The following BMAL1 variants were observed in gnomAD, a reference collection of about 807,000 sequenced individuals.
BMAL1 encodes basic helix-loop-helix ARNT-like protein 1.
At chr11:13,378,096 G>T in the BMAL1 span, among the ~76,000 whole-genome samples, 7 of 152,078 alleles carry the variant, frequency 4.6e-5, no homozygotes, top group African/African-American at 1.7e-4. Context: ...TTCAGTGCAT[G>T]AAGGGAAAGA....
chr11:13,284,264 A>ATTT, the BMAL1 span, among the ~76,000 whole-genome samples: 1 of 34,828 alleles, frequency 2.9e-5, no homozygotes, highest in Admixed American at 2.2e-4. Flanking sequence ...ATATATATAT[A>ATTT]TATTTTTTTT....
the BMAL1 span, among the ~76,000 whole-genome samples, chr11:13,362,593 C>G: frequency 1.2e-4 from 19 of 152,050 alleles, no homozygotes; most frequent in Admixed American, 6.5e-4. Flanking sequence ...AGGGTGGGAC[C>G]AGGCTCCCGA....
the BMAL1 span, among the ~76,000 whole-genome samples, chr11:13,340,314 C>A: frequency 1.3e-5 from 2 of 152,156 alleles, no homozygotes; most frequent in Admixed American, 6.5e-5. Context: ...CAGCTGTCAC[C>A]CTGCTGGGTT....
chr11:13,352,396 C>G, the BMAL1 span, among the ~76,000 whole-genome samples: 1 of 152,146 alleles, frequency 6.6e-6, no homozygotes, highest in African/African-American at 2.4e-5. Context: ...GGTAGAAAAA[C>G]AGGACATGAG....
chr11:13,285,018 C>A, the BMAL1 span, among the ~76,000 whole-genome samples: 1 of 152,150 alleles, frequency 6.6e-6, no homozygotes, highest in African/African-American at 2.4e-5. Context: ...CTAGCGGGGT[C>A]TTTGCTTAAA....
At chr11:13,355,122 G>A in the BMAL1 span, 109 of 1,014,644 alleles carry the variant, frequency 1.1e-4, no homozygotes, top group Non-Finnish European at 1.4e-4. Context: ...AAGCACCTGC[G>A]TGGAATCTTA....
the BMAL1 span, among the ~76,000 whole-genome samples, chr11:13,328,174 C>CT: frequency 3.2e-3 from 483 of 151,802 alleles, 3 homozygotes; most frequent in Non-Finnish European, 4.9e-3. Context: ...ACTGGAGAGG[C>CT]TTTTTTTTGG....
chr11:13,279,681 T>C, the BMAL1 span, among the ~76,000 whole-genome samples: 6 of 152,364 alleles, frequency 3.9e-5, no homozygotes, highest in Admixed American at 3.3e-4. Flanking sequence ...GTTTTGTTAC[T>C]CAGATCATTT....
chr11:13,331,512 G>T, the BMAL1 span, among the ~76,000 whole-genome samples: 2 of 152,184 alleles, frequency 1.3e-5, no homozygotes, highest in African/African-American at 2.4e-5. Context: ...ATACGAAAGG[G>T]AGCATAGGAC....
chr11:13,308,525 A>G, the BMAL1 span, among the ~76,000 whole-genome samples: 1 of 152,314 alleles, frequency 6.6e-6, no homozygotes, highest in African/African-American at 2.4e-5. Flanking sequence ...AGGGAGAATA[A>G]GCAAAGATAA....
chr11:13,363,127 CATATATATATATATATATAT>C, the BMAL1 span, among the ~76,000 whole-genome samples: 699 of 109,928 alleles, frequency 6.4e-3, 10 homozygotes, highest in African/African-American at 0.022. Context: ...GTCTTTATTT[CATATATATATATATATATAT>C]ATATATATAT....
At chr11:13,376,594 C>A in the BMAL1 span, 18 of 1,590,268 alleles carry the variant, frequency 1.1e-5, 1 homozygote, top group South Asian at 2.0e-4. Context: ...GTGCACAGTT[C>A]TGAGCAGGCC....
At chr11:13,363,370 C>G in the BMAL1 span, among the ~76,000 whole-genome samples, 1 of 151,998 alleles carries the variant, frequency 6.6e-6, no homozygotes, top group African/African-American at 2.4e-5. Flanking sequence ...GGGCTTGTCT[C>G]TTCTACTCCC....
chr11:13,373,913 C>T, the BMAL1 span, among the ~76,000 whole-genome samples: 1 of 151,850 alleles, frequency 6.6e-6, no homozygotes, highest in Admixed American at 6.6e-5. Flanking sequence ...TGATTAAATT[C>T]AGATGCCTGA....
chr11:13,357,456 C>T, the BMAL1 span, among the ~76,000 whole-genome samples: 1 of 152,256 alleles, frequency 6.6e-6, no homozygotes, highest in Middle Eastern at 3.2e-3. This position sits in a 1 kb window ranked among gnomAD's most constrained non-coding sequence, Gnocchi z 4.8. Flanking sequence ...TGGGACTTGC[C>T]TCTGTCAGGG....
At chr11:13,327,772 C>T in the BMAL1 span, among the ~76,000 whole-genome samples, 1 of 152,120 alleles carries the variant, frequency 6.6e-6, no homozygotes, top group Non-Finnish European at 1.5e-5. Context: ...GGTGAGCAGT[C>T]CTAGTCTTTT....
At chr11:13,374,346 G>C in the BMAL1 span, 1 of 708,086 alleles carries the variant, frequency 1.4e-6, no homozygotes, top group Non-Finnish European at 2.4e-6. Flanking sequence ...TCTGTGTGAA[G>C]AGGAAGCTGA....
At chr11:13,336,486 G>A in the BMAL1 span, among the ~76,000 whole-genome samples, 2 of 152,248 alleles carry the variant, frequency 1.3e-5, no homozygotes, top group Admixed American at 6.5e-5. Context: ...GAGGCTTCTC[G>A]TGGGGGCAAC....
the BMAL1 span, chr11:13,376,552 G>C: frequency 8.0e-7 from 1 of 1,254,148 alleles, no homozygotes; most frequent in Non-Finnish European, 1.2e-6. Flanking sequence ...CAGGTCCAGA[G>C]TGGACACCGG....
Sources: allele counts gnomAD v4.1 joint callset (sites outside exome capture counted in the v4.1 genomes callset), GRCh38; gene constraint gnomAD v4.1.1; non-coding constraint Gnocchi (gnomAD v3.1); transcripts MANE v1.5; gene names NCBI Gene and HGNC (gene_info 2026-07-23, HGNC 2026-07-21).